The following NUDT3 variants were observed in gnomAD, a reference collection of about 807,000 sequenced individuals.
NUDT3 encodes diphosphoinositol polyphosphate phosphohydrolase 1.
In NUDT3, 9 loss-of-function variants were observed where a neutral mutation model predicts 23.6. The ratio of observed to expected loss-of-function variants is 0.38; its 90% CI spans 0.23 to 0.66. NUDT3 has a LOEUF of 0.66. Among genes scored for constraint, NUDT3 ranks in the 30% least tolerant of loss-of-function variants. The pLI, the probability that NUDT3 is intolerant of heterozygous loss-of-function variation, is 0.52. For synonymous variants in NUDT3, 86 were observed against 82.6 expected, an observed-to-expected ratio of 1.04 and a Z score of -0.22; for missense variants, 172 against 218.5, an observed-to-expected ratio of 0.79 and a Z score of 1.34.
chr6:34,326,256 A>C (rs1216889639), intron 2 of NUDT3, among the ~76,000 whole-genome samples: 1 of 152,218 alleles, frequency 6.6e-6, no homozygotes, highest in Non-Finnish European at 1.5e-5. Context: ...ATTTTAGCAA[A>C]CTACATCTAG....
chr6:34,349,910 G>A (rs1437536617), intron 1 of NUDT3, among the ~76,000 whole-genome samples: 1 of 150,262 alleles, frequency 6.7e-6, no homozygotes, highest in Non-Finnish European at 1.5e-5. Context: ...TTAAAACGGT[G>A]AAACCCCGTC....
chr6:34,297,730 A>AAATAC (rs61610076), intron 2 of NUDT3, among the ~76,000 whole-genome samples: 7 of 72,008 alleles, frequency 9.7e-5, no homozygotes, highest in Non-Finnish European at 1.4e-4. Context: ...AAAAAAAAAA[A>AAATAC]ATATATATAT....
chr6:34,316,967 G>A (rs1177181733), intron 2 of NUDT3, among the ~76,000 whole-genome samples: 1 of 152,194 alleles, frequency 6.6e-6, no homozygotes, highest in Non-Finnish European at 1.5e-5. Flanking sequence ...AAGGAATTGA[G>A]GTGAGTGGTG....
chr6:34,326,597 GCTTTTTTTTTTT>G (rs1764033781), intron 2 of NUDT3, among the ~76,000 whole-genome samples: 2 of 151,002 alleles, frequency 1.3e-5, no homozygotes, highest in Non-Finnish European at 3.0e-5. Context: ...TGATAATCCA[GCTTTTTTTTTTT>G]CTTTTTTTTG....
intron 2 of NUDT3, among the ~76,000 whole-genome samples, chr6:34,326,848 G>A (rs370635277): frequency 1.3e-5 from 2 of 152,214 alleles, no homozygotes; most frequent in East Asian, 1.9e-4. Context: ...TGATCCACCC[G>A]CCGTGGCCTC....
intron 2 of NUDT3, among the ~76,000 whole-genome samples, chr6:34,304,657 C>CTT (rs550653985): frequency 1.4e-5 from 2 of 142,120 alleles, no homozygotes. Flanking sequence ...TTTCTTTTTC[C>CTT]TTTTTTTTTT....
At chr6:34,338,120 C>T (rs2237098) in intron 2 of NUDT3, among the ~76,000 whole-genome samples, 45,899 of 152,168 alleles carry the variant, frequency 0.3, 8,489 homozygotes, top group East Asian at 0.48. Context: ...TCAGGGTGTG[C>T]CTACACCCTT....
At position 34,341,964 on chromosome 6, in the gene NUDT3, G is replaced by A. The variant is rs140008893; in HGVS notation, c.108C>T (p.Leu36=). ...TGTCTGGATGGCGACTACTGCTCAC[G>A]AGTAGCACCTGTTAAGTCACAAAGG... is the stretch of plus-strand genomic sequence containing the variant. ...FRSESEEEVL[L]VSSSRHPDRW... Residue 36 remains leucine, a synonymous_variant, in exon 2 of 5, where the codon CTC becomes CTT. Transcript: ENST00000607016. 58 of 1,613,172 alleles carry A rather than the reference G, an allele frequency of 3.6e-5. No individual in the cohort carries two copies. In the African/African-American group the frequency reaches 5.2e-4, roughly 14 times the overall value.
At chr6:34,371,429 G>A (rs1764827045) in intron 1 of NUDT3, among the ~76,000 whole-genome samples, 1 of 151,520 alleles carries the variant, frequency 6.6e-6, no homozygotes, top group Non-Finnish European at 1.5e-5. Flanking sequence ...TTGCACCACT[G>A]CACTCCAGCC....
chr6:34,348,460 T>C (rs187053602), intron 1 of NUDT3, among the ~76,000 whole-genome samples: 3 of 151,934 alleles, frequency 2.0e-5, no homozygotes, highest in Admixed American at 2.0e-4. Flanking sequence ...CCAGCCTGAG[T>C]GACAGAGCAA....
chr6:34,288,603 G>T lies in NUDT3; in HGVS notation c.*150C>A. 1 of 1,075,964 alleles carries T rather than the reference G, an allele frequency of 9.3e-7. No individual in the cohort carries two copies. The highest frequency in any genetic ancestry group is 1.3e-6 in the Non-Finnish European group (1 of 774,870). The allele number at this position is 1,075,964 out of a possible 1,614,324, so 66.7% of individuals were successfully genotyped here. ...AAGCCCCATCACTTAACACCAAACA[G>T]CAACATTATCAATACACCCTTTCTT... On this transcript the variant is annotated 3_prime_UTR_variant, in exon 5 of 5. Coordinates refer to ENST00000607016, the MANE Select transcript of NUDT3 (RefSeq NM_006703.4).
At chr6:34,306,941 A>G (rs1395737676) in intron 2 of NUDT3, among the ~76,000 whole-genome samples, 1 of 152,192 alleles carries the variant, frequency 6.6e-6, no homozygotes, top group African/African-American at 2.4e-5. Flanking sequence ...TCTTTTTTAA[A>G]CGCTACTAGC....
At chr6:34,382,251 A>G (rs775187319) in intron 1 of NUDT3, among the ~76,000 whole-genome samples, 9 of 151,598 alleles carry the variant, frequency 5.9e-5, no homozygotes, top group Non-Finnish European at 1.3e-4. Context: ...AAAAAAATAT[A>G]TATTAGGAGG....
rs1764978495 is a variant in NUDT3, at chr6:34,379,513, TCA to T, written c.99+12749_99+12750del. Among the ~76,000 whole-genome samples the T allele has an allele frequency of 2.0e-5, 3 of 151,482 alleles. No individual in the cohort carries two copies. The South Asian group carries it at 6.3e-4, about 32-fold the overall frequency. ...AGGCAGAGGTTGCAGTGAGCCAATA[TCA>T]CACCACTGCACTCAAGCCTGGGCGA... On this transcript the variant is annotated intron_variant, in intron 1 of 4. Coordinates refer to ENST00000607016, the MANE Select transcript of NUDT3 (RefSeq NM_006703.4).
intron 2 of NUDT3, among the ~76,000 whole-genome samples, chr6:34,332,546 C>T (rs1353252322): frequency 6.6e-6 from 1 of 152,148 alleles, no homozygotes; most frequent in Non-Finnish European, 1.5e-5. Context: ...TATAAATGAA[C>T]CCGTGCAGTT....
intron 1 of NUDT3, among the ~76,000 whole-genome samples, chr6:34,351,219 A>C (rs1489836792): frequency 7.3e-6 from 1 of 137,444 alleles, no homozygotes; most frequent in South Asian, 2.3e-4. Flanking sequence ...AAAAAAAAAA[A>C]AAAAAAACAC....
intron 1 of NUDT3, among the ~76,000 whole-genome samples, chr6:34,386,359 A>G (rs1165238106): frequency 6.6e-6 from 1 of 152,232 alleles, no homozygotes; most frequent in East Asian, 1.9e-4. Context: ...GAGAAGCCAG[A>G]AAAAGAAAAG....
chr6:34,299,600 ATTTTTTT>A (rs147548768), intron 2 of NUDT3, among the ~76,000 whole-genome samples: 1 of 137,060 alleles, frequency 7.3e-6, no homozygotes, highest in Non-Finnish European at 1.6e-5. Context: ...ATTTTCTTGA[ATTTTTTT>A]TTTTTTTTTT....
intron 4 of NUDT3, 36 bp downstream of exon 4, chr6:34,293,415 G>A (rs1215912709): frequency 3.1e-6 from 5 of 1,612,584 alleles, no homozygotes; most frequent in Non-Finnish European, 4.2e-6. Flanking sequence ...GGCTGGTTGT[G>A]AGGAACCCTT....
Sources: allele counts gnomAD v4.1 joint callset (sites outside exome capture counted in the v4.1 genomes callset), GRCh38; gene constraint gnomAD v4.1.1; transcripts MANE v1.5; gene names NCBI Gene and HGNC (gene_info 2026-07-23, HGNC 2026-07-21).